The following C8orf34 variants were observed in gnomAD, a reference collection of about 807,000 sequenced individuals.
C8orf34 encodes the protein chromosome 8 open reading frame 34, also known as uncharacterized protein C8orf34.
A neutral mutation model predicts 68.3 loss-of-function variants in C8orf34; 65 were observed. That is an observed-to-expected ratio of 0.95 (90% CI 0.78 to 1.17). The LOEUF (loss-of-function observed/expected upper bound fraction) is 1.17, where lower values mean the gene tolerates loss of function less well. Ranked by LOEUF, C8orf34 falls within the 50% of genes most tolerant of loss-of-function variation. The pLI is 0.00. For synonymous variants in C8orf34, 244 were observed against 241.2 expected (o/e 1.01, Z -0.11); for missense variants, 664 against 655.4 (o/e 1.01, Z -0.14).
At chr8:68,565,662 T>A (rs1010801461) in intron 7 of C8orf34, among the ~76,000 whole-genome samples, 1 of 152,170 alleles carries the variant, frequency 6.6e-6, no homozygotes, top group Non-Finnish European at 1.5e-5. Context: ...TGAAAAGTAG[T>A]GATGGAGTGT....
At chr8:68,561,808 G>A (rs1030781404) in intron 7 of C8orf34, among the ~76,000 whole-genome samples, 2 of 151,932 alleles carry the variant, frequency 1.3e-5, no homozygotes, top group Admixed American at 1.3e-4. Context: ...AAAAAACAAG[G>A]GCACAAACAC....
intron 10 of C8orf34, among the ~76,000 whole-genome samples, chr8:68,761,111 T>C (rs567611207): frequency 1.3e-5 from 2 of 152,366 alleles, no homozygotes; most frequent in Admixed American, 6.5e-5. Context: ...AAAGCAAGGC[T>C]ATCTGAATAC....
chr8:68,641,791 T>C (rs1265360715), intron 8 of C8orf34, among the ~76,000 whole-genome samples: 1 of 152,216 alleles, frequency 6.6e-6, no homozygotes, highest in Non-Finnish European at 1.5e-5. Flanking sequence ...ACCAAGCACA[T>C]TTTTAGCCCT....
intron 1 of C8orf34, among the ~76,000 whole-genome samples, chr8:68,409,134 G>A (rs182830251): frequency 8.9e-4 from 136 of 152,260 alleles, no homozygotes; most frequent in African/African-American, 2.9e-3. Context: ...TCTGTACGGT[G>A]CATAATACTT....
chr8:68,342,104 G>A (rs1806095425), intron 1 of C8orf34, among the ~76,000 whole-genome samples: 2 of 152,162 alleles, frequency 1.3e-5, no homozygotes, highest in South Asian at 4.1e-4. Flanking sequence ...TGATAAGTAT[G>A]TGAGGTAACA....
intron 10 of C8orf34, among the ~76,000 whole-genome samples, chr8:68,758,537 T>A (rs1822933660): frequency 6.6e-6 from 1 of 152,168 alleles, no homozygotes; most frequent in Non-Finnish European, 1.5e-5. Context: ...ACATTTGTTC[T>A]GAGAAATCAG....
intron 12 of C8orf34, among the ~76,000 whole-genome samples, chr8:68,814,420 C>CA (rs1824747100): frequency 6.6e-6 from 1 of 152,182 alleles, no homozygotes; most frequent in Admixed American, 6.5e-5. Context: ...AACACTAGAA[C>CA]AAAAATACAT....
chr8:68,351,808 A>C (rs1291724709), intron 1 of C8orf34, among the ~76,000 whole-genome samples: 1 of 152,078 alleles, frequency 6.6e-6, no homozygotes, highest in Non-Finnish European at 1.5e-5. Context: ...TGCCATTTTG[A>C]ATTTCCACCA....
At chr8:68,676,032 A>G (rs1162764060) in intron 8 of C8orf34, among the ~76,000 whole-genome samples, 1 of 152,172 alleles carries the variant, frequency 6.6e-6, no homozygotes. Context: ...AGGATATAAC[A>G]ATTGTAAATA....
rs989504810 is a variant in C8orf34 at position 68,721,301 on chromosome 8, T to C, written c.1328-60T>C. 31 of 1,087,826 alleles carry C rather than the reference T, an allele frequency of 2.8e-5. No homozygotes were observed. The East Asian group carries it at 2.9e-4, about 10-fold the overall frequency. The allele number at this position is 1,087,826 out of a possible 1,614,324, so 67.4% of individuals were successfully genotyped here. A position where few individuals can be genotyped will look rare whatever the true frequency, so the allele number is the denominator to read the frequency against. On this transcript the variant is annotated intron_variant, in intron 9 of 13. Transcript: ENST00000518698. ...ATTCTTCTCACAACAGGTTTATATA[T>C]CAGAGAATTAATAAGCAATATGTGA...
chr8:68,803,543 TTGA>T (rs1824394106), intron 12 of C8orf34, among the ~76,000 whole-genome samples: 1 of 152,044 alleles, frequency 6.6e-6, no homozygotes, highest in South Asian at 2.1e-4. Flanking sequence ...AACATCATAC[TTGA>T]TGAATTACTG....
At chr8:68,396,916 T>C (rs963235451) in intron 1 of C8orf34, among the ~76,000 whole-genome samples, 34 of 151,904 alleles carry the variant, frequency 2.2e-4, no homozygotes, top group African/African-American at 8.0e-4. Context: ...TGAACTCTTA[T>C]AAATACCCAG....
chr8:68,532,519 A>G (rs1439218440), intron 6 of C8orf34, among the ~76,000 whole-genome samples: 3 of 152,208 alleles, frequency 2.0e-5, no homozygotes, highest in Non-Finnish European at 4.4e-5. Context: ...TAGTCTTTTT[A>G]ACAAATGGTG....
intron 12 of C8orf34, among the ~76,000 whole-genome samples, chr8:68,803,506 A>T (rs1824392638): frequency 1.3e-5 from 2 of 152,120 alleles, no homozygotes; most frequent in South Asian, 4.1e-4. Flanking sequence ...TCTAAAAAAA[A>T]AGCGTATTTC....
intron 12 of C8orf34, among the ~76,000 whole-genome samples, chr8:68,796,091 A>T (rs181200367): frequency 1.2e-4 from 18 of 152,298 alleles, no homozygotes; most frequent in African/African-American, 4.3e-4. Flanking sequence ...AGCCACTGTC[A>T]TTGTGAGTCT....
At chr8:68,681,764 C>T (rs1249964301) in intron 8 of C8orf34, among the ~76,000 whole-genome samples, 1 of 152,090 alleles carries the variant, frequency 6.6e-6, no homozygotes, top group Non-Finnish European at 1.5e-5. Context: ...TTGGAAGCAA[C>T]CTAGGTGTCC....
chr8:68,733,225 C>A lies in C8orf34; in HGVS notation c.1404+11788C>A, dbSNP rs539351085. Reference sequence around the variant, plus strand: ...TTTTTACCAGGCATTGTACAAACATCCCATTTTGTTTGCAAGCAGATTGTA... The same window carrying A: ...TTTTTACCAGGCATTGTACAAACATACCATTTTGTTTGCAAGCAGATTGTA... On this transcript the variant is annotated intron_variant, in intron 10 of 13. Coordinates refer to ENST00000518698, the MANE Select transcript of C8orf34 (RefSeq NM_052958.4). Among the ~76,000 whole-genome samples the A allele has an allele frequency of 2.6e-5, 4 of 152,170 alleles. No individual in the cohort carries two copies. In the East Asian group the frequency reaches 7.7e-4, roughly 29 times the overall value.
intron 1 of C8orf34, among the ~76,000 whole-genome samples, chr8:68,427,274 A>C (rs1810268096): frequency 6.6e-6 from 1 of 152,206 alleles, no homozygotes; most frequent in African/African-American, 2.4e-5. Flanking sequence ...TACTAAAAAC[A>C]GAGAAACTAA....
rs35855967 is a variant in C8orf34 at position 68,568,560 on chromosome 8, GAA to G, written c.1105+35422_1105+35423del. On this transcript the variant is annotated intron_variant, in intron 7 of 13. Transcript: ENST00000518698. Reference sequence around the variant, plus strand: ...CAGGGCTGCCACAAAGCTTCAATTAGAAAAAAAAAAAATCTGTGAAGTGCAAT... The same window carrying G: ...CAGGGCTGCCACAAAGCTTCAATTAGAAAAAAAAAATCTGTGAAGTGCAAT... Among the ~76,000 whole-genome samples, 1,221 of 138,352 alleles carry G rather than the reference GAA, an allele frequency of 8.8e-3. 19 individuals are homozygous for G. The highest frequency in any genetic ancestry group is 0.03 in the African/African-American group (1,149 of 37,678). 90.8% of individuals were successfully genotyped at this position (138,352 alleles called of 152,430 possible).
Sources: gnomAD v4.1 joint callset for allele counts (sites outside exome capture counted in the v4.1 genomes callset) on GRCh38, gnomAD v4.1.1 for gene constraint, MANE v1.5 for transcripts, NCBI Gene and HGNC (gene_info 2026-07-23, HGNC 2026-07-21) for gene names.